Variants in PAMR1 observed in about 807,000 individuals in gnomAD.
PAMR1 encodes the protein inactive serine protease PAMR1.
In PAMR1, 88 loss-of-function variants were observed where a neutral mutation model predicts 81.8. The observed-to-expected ratio is 1.08, with a 90% CI of 0.91 to 1.28. PAMR1 has a LOEUF of 1.28. Ranked by LOEUF, PAMR1 falls within the 50% of genes most tolerant of loss-of-function variation. The pLI is 0.00. For missense variants in PAMR1, 935 were observed against 919.7 expected (o/e 1.02, Z -0.21); for synonymous variants, 336 against 345.3 (o/e 0.97, Z 0.30).
At chr11:35,443,454 C>T (rs1856222641) in intron 6 of PAMR1, among the ~76,000 whole-genome samples, 1 of 152,124 alleles carries the variant, frequency 6.6e-6, no homozygotes, top group Admixed American at 6.5e-5. Flanking sequence ...GTGAGAACAT[C>T]CAGTGTTTCG....
intron 6 of PAMR1, among the ~76,000 whole-genome samples, chr11:35,455,187 AG>A (rs1301441613): frequency 5.3e-5 from 8 of 152,260 alleles, no homozygotes; most frequent in Non-Finnish European, 1.0e-4. Context: ...TAAATTCTAT[AG>A]GAAGTGGACA....
chr11:35,515,445 C>T (rs1851144680), intron 1 of PAMR1, among the ~76,000 whole-genome samples: 1 of 152,220 alleles, frequency 6.6e-6, no homozygotes, highest in Admixed American at 6.5e-5. Flanking sequence ...CTGACAGCAA[C>T]TTCAGGCAGG....
At chr11:35,450,741 TA>T (rs1856398939) in intron 6 of PAMR1, among the ~76,000 whole-genome samples, 1 of 152,218 alleles carries the variant, frequency 6.6e-6, no homozygotes, top group Admixed American at 6.5e-5. Flanking sequence ...TTTAAAAATC[TA>T]TATTATTCGT....
intron 3 of PAMR1, among the ~76,000 whole-genome samples, chr11:35,477,167 C>T (rs1850299941): frequency 6.6e-6 from 1 of 152,164 alleles, no homozygotes; most frequent in Non-Finnish European, 1.5e-5. Context: ...AATACACACG[C>T]CTATTTGAAA....
At chr11:35,508,283 T>C (rs1851009595) in intron 1 of PAMR1, among the ~76,000 whole-genome samples, 1 of 152,106 alleles carries the variant, frequency 6.6e-6, no homozygotes, top group South Asian at 2.1e-4. Context: ...TCAACATGCT[T>C]TGTGTTGGGA....
chr11:35,479,434 A>G (rs1178470650), intron 3 of PAMR1, among the ~76,000 whole-genome samples: 1 of 152,234 alleles, frequency 6.6e-6, no homozygotes, highest in Non-Finnish European at 1.5e-5. Flanking sequence ...GAGATATTGT[A>G]TGTAAAGCAC....
chr11:35,452,808 C>T (rs1479727152), intron 6 of PAMR1, among the ~76,000 whole-genome samples: 1 of 152,080 alleles, frequency 6.6e-6, no homozygotes, highest in African/African-American at 2.4e-5. Flanking sequence ...ATAGTCTCAC[C>T]ACCCCATAAA....
At position 35,436,051 on chromosome 11, in the gene PAMR1, G is replaced by T; in HGVS notation, c.1185C>A (p.Pro395=). 1 of 1,614,182 alleles carries T rather than the reference G, an allele frequency of 6.2e-7. No homozygotes were observed. The highest frequency in any genetic ancestry group is 8.5e-7 in the Non-Finnish European group (1 of 1,180,028). Residue 395 remains proline, a synonymous_variant, in exon 9 of 11, where the codon CCC becomes CCA. Transcript: ENST00000619888. ...GGTATCCCATGGGCAGATCTCCAAAGGGAAGGGCTGGCTTCTTGGTAGGGG... is the reference window on the plus strand; with the variant it reads ...GGTATCCCATGGGCAGATCTCCAAATGGAAGGGCTGGCTTCTTGGTAGGGG... ...QSAPTKKPAL[P]FGDLPMGYQH...
chr11:35,455,748 C>T (rs1286254841), intron 6 of PAMR1, among the ~76,000 whole-genome samples: 1 of 152,068 alleles, frequency 6.6e-6, no homozygotes, highest in Non-Finnish European at 1.5e-5. Flanking sequence ...CCTCTGTGCC[C>T]AGCTGAATAA....
chr11:35,434,652 C>T lies in PAMR1; in HGVS notation c.1486G>A (p.Glu496Lys), dbSNP rs924381135. 1.3e-5 allele frequency: 21 copies of T among 1,614,058 alleles called. No individual in the cohort carries two copies. The highest frequency in any genetic ancestry group is 1.1e-4 in the South Asian group (10 of 91,080). ...FLVCSGALVN[E>K]RTVVVAAHCV... ...TGGGCAGCCACCACCACAGTGCGCT[C>T]ATTCACCAGGGCACCGCTGCAGACT... Residue 496 changes from glutamate to lysine, a missense_variant, in exon 10 of 11, where the codon GAG (glutamate) becomes AAG (lysine). Transcript: ENST00000619888.
intron 4 of PAMR1, among the ~76,000 whole-genome samples, chr11:35,472,785 T>C (rs1395106318): frequency 2.0e-5 from 3 of 152,152 alleles, no homozygotes; most frequent in East Asian, 1.9e-4. Flanking sequence ...CCAGGGATGC[T>C]GCAAGGTGGT....
intron 1 of PAMR1, among the ~76,000 whole-genome samples, chr11:35,520,694 A>G (rs757297200): frequency 4.6e-5 from 7 of 152,200 alleles, no homozygotes; most frequent in Non-Finnish European, 7.3e-5. Context: ...CTCCTCCCCA[A>G]TGAGGGGGGA....
chr11:35,487,095 C>T (rs1022885240), intron 3 of PAMR1, among the ~76,000 whole-genome samples: 3 of 152,028 alleles, frequency 2.0e-5, no homozygotes, highest in Non-Finnish European at 4.4e-5. Flanking sequence ...TCTGCCTAAG[C>T]CCTGCAGCCT....
At chr11:35,441,760 T>G in intron 6 of PAMR1, 67 bp from the exon 7 acceptor site, 1 of 1,050,588 alleles carries the variant, frequency 9.5e-7, no homozygotes, top group Non-Finnish European at 1.4e-6. Context: ...GAATAGAATC[T>G]TTCATGTTTC....
rs200531458 is a variant in PAMR1 at position 35,441,556 on chromosome 11, C to G, written c.958G>C (p.Val320Leu). ...GTTCTTTTCTCATTGCCACTAAGAA[C>G]ATAGGAGTTGTTACAAAAGAAAGAC... The part of the protein sequence containing the change: ...VVSFFCNNSY[V>L]LSGNEKRTCQ... The change falls in exon 7 of 11, where the codon GTT becomes CTT. Residue 320 changes from valine (V) to leucine (L), a missense_variant. Coordinates refer to ENST00000619888, the MANE Select transcript of PAMR1 (RefSeq NM_001001991.3). 1.9e-6 allele frequency: 3 copies of G among 1,613,986 alleles called. No individual in the cohort carries two copies. The African/African-American group carries it at 4.0e-5, about 22-fold the overall frequency.
At position 35,455,498 on chromosome 11, in the gene PAMR1, A is replaced by C. The variant is rs749441506; in HGVS notation, c.820+12503T>G. ...TATGCCTGTCTATAATGAATGAATG[A>C]ATCTAGAATTTTAATATGATACACC... On this transcript the variant is annotated intron_variant, in intron 6 of 10. Transcript: ENST00000619888. 1.9e-4 allele frequency among the ~76,000 whole-genome samples: 29 copies of C among 152,312 alleles called. No homozygotes were observed. In the Middle Eastern group the frequency reaches 0.01, roughly 54 times the overall value.
chr11:35,438,515 C>T (rs968350461), intron 8 of PAMR1, among the ~76,000 whole-genome samples: 8 of 152,222 alleles, frequency 5.3e-5, no homozygotes, highest in African/African-American at 1.9e-4. Context: ...GAATACCCAG[C>T]ACTAAAGACA....
At position 35,436,658 on chromosome 11, in the gene PAMR1, A is replaced by T. The variant is rs1182982047; in HGVS notation, c.1101-523T>A. Among the ~76,000 whole-genome samples the T allele has an allele frequency of 1.1e-4, 13 of 113,458 alleles. No homozygotes were observed. In the South Asian group the frequency reaches 3.2e-3, roughly 28 times the overall value. The allele number at this position is 113,458 out of a possible 152,430, so 74.4% of individuals were successfully genotyped here. ...CTCTGTTTCTCTCTCTCTCTCTGTCACACACACACACACACACACACACAC... is the reference window on the plus strand; with the variant it reads ...CTCTGTTTCTCTCTCTCTCTCTGTCTCACACACACACACACACACACACAC... On this transcript the variant is annotated intron_variant, in intron 8 of 10. Coordinates refer to ENST00000619888, the MANE Select transcript of PAMR1 (RefSeq NM_001001991.3).
intron 3 of PAMR1, among the ~76,000 whole-genome samples, chr11:35,476,906 T>C (rs1850295158): frequency 6.6e-6 from 1 of 151,988 alleles, no homozygotes; most frequent in South Asian, 2.1e-4. Flanking sequence ...CTCCGGCCCT[T>C]GTACTTGCTG....
Sources: gnomAD v4.1 joint callset for allele counts (sites outside exome capture counted in the v4.1 genomes callset) on GRCh38, gnomAD v4.1.1 for gene constraint, MANE v1.5 for transcripts, NCBI Gene and HGNC (gene_info 2026-07-23, HGNC 2026-07-21) for gene names.